PLXDC1: variants seen among roughly 807,000 people sequenced by gnomAD.
PLXDC1 encodes plexin domain-containing protein 1.
In PLXDC1, 39 loss-of-function variants were observed where a neutral mutation model predicts 61.3. The observed-to-expected ratio is 0.64, with a 90% confidence interval of 0.49 to 0.83. The LOEUF (loss-of-function observed/expected upper bound fraction) is 0.83. PLXDC1 is among the 40% of genes least tolerant of loss of function. The pLI, the probability that PLXDC1 is intolerant of heterozygous loss-of-function variation, is 0.00. For synonymous variants in PLXDC1, 212 were observed against 254.5 expected, an observed-to-expected ratio of 0.83 and a Z score of 1.59; for missense variants, 596 against 666.5, an observed-to-expected ratio of 0.89 and a Z score of 1.17.
chr17:39,107,611 C>A, intron 5 of PLXDC1, 86 bp from the exon 6 acceptor site: 1 of 998,006 alleles, frequency 1.0e-6, no homozygotes, highest in East Asian at 2.4e-5. Flanking sequence ...GGGCAGCGGC[C>A]ACAGGTTGGG....
At chr17:39,072,554 G>T in intron 11 of PLXDC1, 69 bp from the exon 12 acceptor site, 1 of 1,012,974 alleles carries the variant, frequency 9.9e-7, no homozygotes, top group Non-Finnish European at 1.5e-6. Flanking sequence ...TCTGAGTCCA[G>T]ATGGGATGAA....
intron 2 of PLXDC1, among the ~76,000 whole-genome samples, chr17:39,117,204 G>A (rs1910999755): frequency 6.6e-6 from 1 of 152,212 alleles, no homozygotes; most frequent in Non-Finnish European, 1.5e-5. Flanking sequence ...AAGCAAGACA[G>A]GCACAGCACA....
intron 2 of PLXDC1, among the ~76,000 whole-genome samples, chr17:39,120,342 G>A (rs60485197): frequency 0.014 from 2,138 of 151,980 alleles, 51 homozygotes; most frequent in African/African-American, 0.048. Context: ...AGTAGAGACC[G>A]ACCTCAGGTG....
Position 39,063,617 on chromosome 17 carries a change from A to G in PLXDC1, c.*4223T>C. On this transcript the variant is annotated 3_prime_UTR_variant, in exon 14 of 14. Coordinates refer to ENST00000315392, the MANE Select transcript of PLXDC1 (RefSeq NM_020405.5). ...TTCTTTTGCACACAGCAGGAGTTGT[A>G]AAAGAATGCTTCCTTTTATTATTAA... 1 of 634,314 alleles carries G rather than the reference A, an allele frequency of 1.6e-6. No individual in the cohort carries two copies. 39.3% of individuals were successfully genotyped at this position (634,314 alleles called of 1,614,324 possible). A position where few individuals can be genotyped will look rare whatever the true frequency, so the allele number is the denominator to read the frequency against.
At chr17:39,152,935 G>A, upstream of PLXDC1, 1 of 344,140 alleles carries the variant, frequency 2.9e-6, no homozygotes, top group East Asian at 4.5e-5. Flanking sequence ...GTGGAACAAG[G>A]CAAGGCCGGT....
At chr17:39,145,218 T>C (rs1476378424) in intron 1 of PLXDC1, among the ~76,000 whole-genome samples, 1 of 152,180 alleles carries the variant, frequency 6.6e-6, no homozygotes, top group Admixed American at 6.5e-5. Flanking sequence ...CAGGCTGCCA[T>C]TGGGCCTGAA....
chr17:39,124,933 C>T (rs1292747010), intron 2 of PLXDC1, among the ~76,000 whole-genome samples: 1 of 152,160 alleles, frequency 6.6e-6, no homozygotes, highest in East Asian at 1.9e-4. Context: ...CCCACCTCAG[C>T]CTCTTGAGTA....
intron 6 of PLXDC1, among the ~76,000 whole-genome samples, chr17:39,106,173 T>C (rs555607064): frequency 5.3e-5 from 8 of 152,264 alleles, no homozygotes; most frequent in African/African-American, 1.9e-4. Flanking sequence ...TGGCACTCCA[T>C]GCAGGCCGGA....
intron 1 of PLXDC1, among the ~76,000 whole-genome samples, chr17:39,149,446 A>C (rs759751828): frequency 2.4e-4 from 36 of 152,162 alleles, no homozygotes; most frequent in Non-Finnish European, 4.1e-4. Flanking sequence ...CCTGCCTGTG[A>C]AATCCCACCT....
intron 1 of PLXDC1, among the ~76,000 whole-genome samples, chr17:39,143,012 C>T (rs557256): frequency 0.081 from 12,400 of 152,168 alleles, 592 homozygotes; most frequent in East Asian, 0.13. Flanking sequence ...GTGGCGGGCA[C>T]CCATAATCCC....
intron 7 of PLXDC1, chr17:39,097,072 C>T (rs1211871637): frequency 8.7e-6 from 4 of 458,794 alleles, no homozygotes; most frequent in East Asian, 7.1e-5. Flanking sequence ...AGGAGTCCTC[C>T]CCATTGCACC....
intron 2 of PLXDC1, among the ~76,000 whole-genome samples, chr17:39,127,728 G>A (rs988099635): frequency 6.6e-6 from 1 of 151,860 alleles, no homozygotes; most frequent in Non-Finnish European, 1.5e-5. Context: ...TGCCGAGGCG[G>A]GCGGATCACG....
chr17:39,072,751 T>C (rs895416001), intron 11 of PLXDC1, among the ~76,000 whole-genome samples: 2 of 152,092 alleles, frequency 1.3e-5, no homozygotes, highest in Non-Finnish European at 2.9e-5. Context: ...CCATGCACGT[T>C]CTTCTGTGGG....
intron 2 of PLXDC1, among the ~76,000 whole-genome samples, chr17:39,137,213 T>TCAGAAGC (rs1911782786): frequency 1.3e-5 from 2 of 152,256 alleles, no homozygotes; most frequent in South Asian, 4.1e-4. Flanking sequence ...TAACAGTGAA[T>TCAGAAGC]CAGAAGCCAG....
At chr17:39,082,140 T>C (rs1909586095) in intron 9 of PLXDC1, among the ~76,000 whole-genome samples, 1 of 152,142 alleles carries the variant, frequency 6.6e-6, no homozygotes, top group Non-Finnish European at 1.5e-5. Context: ...CAGAGCTGTG[T>C]CCTGTGTGCT....
chr17:39,063,482 T>C lies in PLXDC1; in HGVS notation c.*4358A>G. 1 of 703,024 alleles carries C rather than the reference T, an allele frequency of 1.4e-6. No individual in the cohort carries two copies. Among genetic ancestry groups the C allele is most frequent in the Non-Finnish European group, 2.6e-6 (1 of 385,010 alleles). The allele number at this position is 703,024 out of a possible 1,614,324, so 43.5% of individuals were successfully genotyped here. A position where few individuals can be genotyped will look rare whatever the true frequency, so the allele number is the denominator to read the frequency against. ...AAAGCACCTCTGATGAGCAGATAGC[T>C]GGAGGCTGTTCCCACAGTCATGTCT... On this transcript the variant is annotated 3_prime_UTR_variant, in exon 14 of 14. Coordinates refer to ENST00000315392, the MANE Select transcript of PLXDC1 (RefSeq NM_020405.5).
At chr17:39,070,049 G>T (rs756846478) in intron 12 of PLXDC1, 33 bp from the exon 13 acceptor site, 4 of 1,572,900 alleles carry the variant, frequency 2.5e-6, no homozygotes, top group African/African-American at 1.3e-5. Context: ...GACAGGGGCT[G>T]CAGGGGAGCA....
intron 2 of PLXDC1, 133 bp from the exon 3 acceptor site, chr17:39,109,524 C>A: frequency 9.0e-7 from 1 of 1,114,838 alleles, no homozygotes; most frequent in South Asian, 1.5e-5. Context: ...ACCTGTGGCC[C>A]CAAGGGCTGA....
chr17:39,084,588 A>G (rs529972581), intron 8 of PLXDC1, among the ~76,000 whole-genome samples: 1 of 152,368 alleles, frequency 6.6e-6, no homozygotes, highest in Admixed American at 6.5e-5. Context: ...CAAGGCAGAA[A>G]GGTCCCATGT....
Sources: gnomAD v4.1 joint callset for allele counts (sites outside exome capture counted in the v4.1 genomes callset) on GRCh38, gnomAD v4.1.1 for gene constraint, MANE v1.5 for transcripts, NCBI Gene and HGNC (gene_info 2026-07-23, HGNC 2026-07-21) for gene names.